The following ZNF562 variants were observed in gnomAD, a reference collection of about 807,000 sequenced individuals.
ZNF562 encodes the protein zinc finger protein 562.
A neutral mutation model predicts 17.5 loss-of-function variants in ZNF562; 13 were observed. That is an observed-to-expected ratio of 0.74 (90% CI 0.48 to 1.18). ZNF562 has a LOEUF of 1.18. ZNF562 is among the 50% of genes most tolerant of loss of function. The probability of loss-of-function intolerance (pLI) is 0.00; values close to 1 mark genes in which losing one functional copy is unlikely to be tolerated. For missense variants in ZNF562, 481 were observed against 498.5 expected (o/e 0.96, Z 0.33); for synonymous variants, 163 against 165.4 (o/e 0.99, Z 0.11).
Position 9,659,477 on chromosome 19 carries a change from A to C in ZNF562, c.26-10T>G. 1 of 1,550,436 alleles carries C rather than the reference A, an allele frequency of 6.4e-7. No homozygotes were observed. Among genetic ancestry groups the C allele is most frequent in the Non-Finnish European group, 8.7e-7 (1 of 1,146,678 alleles). ...TCCCTGGGAAAAAACCCTAGTGGAA[A>C]AGTAAGAAGGCATGAGAAGCCAGAG... is the stretch of plus-strand genomic sequence containing the variant. On this transcript the variant is annotated splice_polypyrimidine_tract_variant and intron_variant, in intron 2 of 5. Transcript: ENST00000453372.
chr19:9,673,319 C>T (rs2044271013), intron 1 of ZNF562, among the ~76,000 whole-genome samples: 1 of 152,206 alleles, frequency 6.6e-6, no homozygotes, highest in South Asian at 2.1e-4. Flanking sequence ...ATCACTCCAT[C>T]CACGAGACTC....
chr19:9,661,063 C>CTAGTAGCTT (rs745839796), intron 1 of ZNF562, among the ~76,000 whole-genome samples, 189 bp from the exon 2 acceptor site: 2 of 152,176 alleles, frequency 1.3e-5, no homozygotes, highest in Non-Finnish European at 2.9e-5. Flanking sequence ...AGAAGTAGCT[C>CTAGTAGCTT]TAGTAGCTTT....
intron 1 of ZNF562, among the ~76,000 whole-genome samples, chr19:9,661,318 A>ATAT (rs1187587128): frequency 1.3e-5 from 2 of 151,906 alleles, no homozygotes; most frequent in South Asian, 2.1e-4. Flanking sequence ...CCTTATTATT[A>ATAT]TATTATTATT....
chr19:9,667,967 A>C (rs2044015986), intron 1 of ZNF562, among the ~76,000 whole-genome samples: 1 of 152,208 alleles, frequency 6.6e-6, no homozygotes, highest in Non-Finnish European at 1.5e-5. Context: ...AATTCAGTAA[A>C]TGTTCAGGAC....
At chr19:9,655,154 C>T (rs1183400684) in intron 5 of ZNF562, among the ~76,000 whole-genome samples, 12 of 151,838 alleles carry the variant, frequency 7.9e-5, no homozygotes, top group Non-Finnish European at 5.9e-5. Context: ...ACGTGCCCGG[C>T]TAATTTTTTA....
intron 1 of ZNF562, among the ~76,000 whole-genome samples, chr19:9,668,949 A>G (rs942412691): frequency 2.7e-5 from 4 of 147,888 alleles, no homozygotes; most frequent in Admixed American, 7.2e-5. Context: ...ATCTCTCAGC[A>G]TAAAAAAAAA....
chr19:9,660,825 G>A lies in ZNF562; in HGVS notation c.-81C>T. Reference sequence around the variant, plus strand: ...CGCCTCAGGGCAGCTTATGAATCTAGGTGGATACAGGCAATCTCCATTCCC... The same window carrying A: ...CGCCTCAGGGCAGCTTATGAATCTAAGTGGATACAGGCAATCTCCATTCCC... On this transcript the variant is annotated 5_prime_UTR_variant, in exon 2 of 6. Transcript: ENST00000453372. The A allele has an allele frequency of 1.4e-6, 2 of 1,442,328 alleles. No individual in the cohort carries two copies. Among genetic ancestry groups the A allele is most frequent in the Non-Finnish European group, 1.9e-6 (2 of 1,036,368 alleles). The allele number at this position is 1,442,328 out of a possible 1,614,324, so 89.3% of individuals were successfully genotyped here. A position where few individuals can be genotyped will look rare whatever the true frequency, so the allele number is the denominator to read the frequency against.
At position 9,653,763 on chromosome 19, in the gene ZNF562, T is replaced by C; in HGVS notation, c.467A>G (p.Asn156Ser). The change falls in exon 6 of 6, where the codon AAT becomes AGT. Residue 156 changes from asparagine (N) to serine (S), a missense_variant. This residue lies in a region of ZNF562 where 403 missense variants were observed against 386.4 expected (regional missense o/e 1.04). Coordinates refer to ENST00000453372, the MANE Select transcript of ZNF562 (RefSeq NM_001130031.2). ...AQNGGNTFEG[N>S]CYGKDSISVH... ...ACTGATGCTGTCTTTTCCATAACAA[T>C]TACCCTCAAAAGTGTTCCCTCCATT... The C allele has an allele frequency of 6.2e-7, 1 of 1,614,104 alleles. No individual in the cohort carries two copies.
chr19:9,661,627 C>G (rs962020912), intron 1 of ZNF562, among the ~76,000 whole-genome samples: 1 of 152,118 alleles, frequency 6.6e-6, no homozygotes, highest in Non-Finnish European at 1.5e-5. Context: ...AACCCTGTCT[C>G]TACTAAAAAT....
Position 9,651,520 on chromosome 19 carries a change from T to C in ZNF562, c.*1429A>G, listed in dbSNP as rs1304135192. 2.0e-5 allele frequency: 3 copies of C among 152,230 alleles called. No individual in the cohort carries two copies. Among genetic ancestry groups the C allele is most frequent in the African/African-American group, 7.2e-5 (3 of 41,462 alleles). 9.4% of individuals were successfully genotyped at this position (152,230 alleles called of 1,614,324 possible). ...CATAAACAAAATCTCTGCAGCACTG[T>C]GACATGCTCGTGATGGCTATGACGC... is the stretch of plus-strand genomic sequence containing the variant. On this transcript the variant is annotated 3_prime_UTR_variant, in exon 6 of 6. Transcript: ENST00000453372.
In ZNF562 at chr19:9,652,303, A is replaced by G. The variant is rs970574124; in HGVS notation, c.*646T>C. 1 of 152,240 alleles carries G rather than the reference A, an allele frequency of 6.6e-6. No homozygotes were observed. The highest frequency in any genetic ancestry group is 2.4e-5 in the African/African-American group (1 of 41,458). 9.4% of individuals were successfully genotyped at this position (152,240 alleles called of 1,614,324 possible). A position where few individuals can be genotyped will look rare whatever the true frequency, so the allele number is the denominator to read the frequency against. On this transcript the variant is annotated 3_prime_UTR_variant, in exon 6 of 6. Coordinates refer to ENST00000453372, the MANE Select transcript of ZNF562 (RefSeq NM_001130031.2). ...CAGCTGTGAAAGGGCACTGGCAGTT[A>G]TGGATGGTTTCACTCCTGACATGCT...
At chr19:9,656,238 A>C (rs1344709894) in intron 5 of ZNF562, among the ~76,000 whole-genome samples, 4 of 152,142 alleles carry the variant, frequency 2.6e-5, no homozygotes, top group Admixed American at 1.3e-4. Context: ...GGCCTGACAC[A>C]GTGGCTCACG....
At chr19:9,655,717 C>T (rs150836826) in intron 5 of ZNF562, among the ~76,000 whole-genome samples, 40 of 48,696 alleles carry the variant, frequency 8.2e-4, no homozygotes, top group African/African-American at 1.5e-3. Flanking sequence ...TCTTTTCTTT[C>T]TTTTTTTTTT....
rs912021729 is a variant in ZNF562 at position 9,649,663 on chromosome 19, C to G, written c.*3286G>C. ...AAATTCCCACCTAATAAATTTTAGT[C>G]AGACCAGTTGATCTCAAAACCGTCT... On this transcript the variant is annotated 3_prime_UTR_variant, in exon 6 of 6. Transcript: ENST00000453372. 1 of 152,134 alleles carries G rather than the reference C, an allele frequency of 6.6e-6. No homozygotes were observed. Among genetic ancestry groups the G allele is most frequent in the African/African-American group, 2.4e-5 (1 of 41,432 alleles). The allele number at this position is 152,134 out of a possible 1,614,324, so 9.4% of individuals were successfully genotyped here. A position where few individuals can be genotyped will look rare whatever the true frequency, so the allele number is the denominator to read the frequency against.
chr19:9,667,940 G>A (rs1037780482), intron 1 of ZNF562, among the ~76,000 whole-genome samples: 5 of 152,052 alleles, frequency 3.3e-5, no homozygotes, highest in African/African-American at 9.7e-5. Flanking sequence ...CCAAAAACCT[G>A]TTAGAACTGA....
At chr19:9,660,664 T>A in intron 2 of ZNF562, 56 bp downstream of exon 2, 1 of 1,588,884 alleles carries the variant, frequency 6.3e-7, no homozygotes, top group Non-Finnish European at 8.6e-7. Flanking sequence ...GACTCTTATG[T>A]TGTGGAGGGC....
At chr19:9,666,728 A>G (rs1234654887) in intron 1 of ZNF562, among the ~76,000 whole-genome samples, 3 of 152,136 alleles carry the variant, frequency 2.0e-5, no homozygotes, top group African/African-American at 7.2e-5. Context: ...ACAACCAATC[A>G]TTAGAAACTA....
Position 9,650,601 on chromosome 19 carries a change from A to C in ZNF562, c.*2348T>G, listed in dbSNP as rs2074854043. On this transcript the variant is annotated 3_prime_UTR_variant, in exon 6 of 6. Transcript: ENST00000453372. ...GGAAGAGAGCTCTCACTAGAGGTTG[A>C]CCATGCTGGCACTCTGATCTCAGAC... The C allele has an allele frequency of 6.6e-6, 1 of 152,174 alleles. No homozygotes were observed. The highest frequency in any genetic ancestry group is 2.4e-5 in the African/African-American group (1 of 41,388). 9.4% of individuals were successfully genotyped at this position (152,174 alleles called of 1,614,324 possible). A position where few individuals can be genotyped will look rare whatever the true frequency, so the allele number is the denominator to read the frequency against.
In ZNF562 at chr19:9,658,144, T is replaced by C; in HGVS notation, c.115-9A>G. The C allele has an allele frequency of 6.2e-7, 1 of 1,611,034 alleles. No individual in the cohort carries two copies. Among genetic ancestry groups the C allele is most frequent in the Non-Finnish European group, 8.5e-7 (1 of 1,178,558 alleles). On this transcript the variant is annotated splice_polypyrimidine_tract_variant and intron_variant, in intron 3 of 5. Transcript: ENST00000453372. ...TCAAACGTCACTGAATCCTAAGTCA[T>C]CAAACACATGCTGGTTTGAGCCAAT... is the stretch of plus-strand genomic sequence containing the variant.
Sources: gnomAD v4.1 joint callset for allele counts (sites outside exome capture counted in the v4.1 genomes callset) on GRCh38, gnomAD v4.1.1 for gene constraint, gnomAD v4.1.1 regional missense constraint, MANE v1.5 for transcripts, NCBI Gene and HGNC (gene_info 2026-07-23, HGNC 2026-07-21) for gene names.